Variants in NTM observed in about 807,000 individuals in gnomAD.
NTM encodes the protein neurotrimin.
Under a neutral mutation model 42.1 loss-of-function variants are expected in NTM, and 13 were observed. The observed-to-expected ratio is 0.31, with a 90% CI of 0.20 to 0.49. The LOEUF (loss-of-function observed/expected upper bound fraction) is 0.49, where lower values mean the gene tolerates loss of function less well. NTM is among the 20% of genes least tolerant of loss of function. NTM has a pLI of 0.99. For missense variants in NTM, 373 were observed against 452.8 expected, an observed-to-expected ratio of 0.82 and a Z score of 1.60; for synonymous variants, 187 against 179.2, an observed-to-expected ratio of 1.04 and a Z score of -0.35.
intron 3 of NTM, among the ~76,000 whole-genome samples, chr11:132,147,206 TGTGTGTGTGAGA>T (rs1300599850): frequency 3.2e-5 from 4 of 126,160 alleles, no homozygotes; most frequent in Admixed American, 7.7e-5. Flanking sequence ...TGTGTGTGTG[TGTGTGTGTGAGA>T]GAGAGAGAGA....
intron 1 of NTM, among the ~76,000 whole-genome samples, chr11:131,775,886 A>G (rs1013396312): frequency 6.6e-6 from 1 of 152,242 alleles, no homozygotes; most frequent in Non-Finnish European, 1.5e-5. Flanking sequence ...GTAGCTATGC[A>G]TAATAAGTGA....
At chr11:131,785,872 C>G (rs570024427) in intron 1 of NTM, among the ~76,000 whole-genome samples, 46 of 152,168 alleles carry the variant, frequency 3.0e-4, no homozygotes, top group Non-Finnish European at 5.9e-4. Flanking sequence ...ATTAGGATAG[C>G]CTTTGGCGAG....
In NTM at chr11:132,267,479, A is replaced by AT. The variant is rs5795769; in HGVS notation, c.527-40195dup. ...AGCCCTTATCTTGGGTTCTTGGATG[A>AT]TTTTTTTTTTTTTTTAATTTTCATT... On this transcript the variant is annotated intron_variant, in intron 4 of 8. Coordinates refer to ENST00000683400, the MANE Select transcript of NTM (RefSeq NM_001352005.2). Among the ~76,000 whole-genome samples the AT allele has an allele frequency of 2.3e-3, 328 of 143,738 alleles. 4 individuals are homozygous for AT. The East Asian group carries it at 0.028, about 12-fold the overall frequency. 94.3% of individuals were successfully genotyped at this position (143,738 alleles called of 152,430 possible). A position where few individuals can be genotyped will look rare whatever the true frequency, so the allele number is the denominator to read the frequency against.
chr11:132,129,350 C>G (rs906583482), intron 2 of NTM, among the ~76,000 whole-genome samples: 1 of 152,178 alleles, frequency 6.6e-6, no homozygotes, highest in Non-Finnish European at 1.5e-5. Flanking sequence ...TATATTGATT[C>G]AGAGTCTCTG....
At chr11:132,172,494 G>A (rs2076247274) in intron 3 of NTM, among the ~76,000 whole-genome samples, 1 of 152,150 alleles carries the variant, frequency 6.6e-6, no homozygotes. Context: ...GCATTCAGTG[G>A]CTGGAAATCA....
chr11:131,910,024 T>TG (rs2054463023), intron 1 of NTM: 1 of 152,220 alleles, frequency 6.6e-6, no homozygotes, highest in African/African-American at 2.4e-5. Flanking sequence ...ATTTTGATGA[T>TG]GCGATTTTTC....
rs2055292455 is a variant in NTM, at chr11:131,555,542, C to T, written c.82+184654C>T. Among the ~76,000 whole-genome samples, 3 of 152,316 alleles carry T rather than the reference C, an allele frequency of 2.0e-5. No homozygotes were observed. In the South Asian group the frequency reaches 6.2e-4, roughly 32 times the overall value. On this transcript the variant is annotated intron_variant, in intron 1 of 8. Transcript: ENST00000683400. The stretch of plus-strand genomic sequence containing the variant: ...ATTGCCTACACATTCCCAAAGTCTG[C>T]AGCCTGTGGCATACCCAATGACAGG...
intron 1 of NTM, chr11:131,795,621 T>C: frequency 1.0e-6 from 1 of 985,436 alleles, no homozygotes; most frequent in Non-Finnish European, 1.2e-6. Flanking sequence ...GAGACCCTTG[T>C]AGGAGCTTGA....
chr11:131,458,250 C>T (rs182894948), intron 1 of NTM, among the ~76,000 whole-genome samples: 2 of 152,150 alleles, frequency 1.3e-5, no homozygotes, highest in Non-Finnish European at 2.9e-5. Flanking sequence ...GTGCTGCTGG[C>T]AGGTGGAGTG....
At chr11:131,636,248 T>C (rs2064365227) in intron 1 of NTM, among the ~76,000 whole-genome samples, 2 of 152,134 alleles carry the variant, frequency 1.3e-5, no homozygotes, top group Non-Finnish European at 2.9e-5. Flanking sequence ...CGAATCTGGC[T>C]CAAGGTTAAC....
chr11:132,017,972 T>A (rs1261107167), intron 2 of NTM, among the ~76,000 whole-genome samples: 1 of 152,078 alleles, frequency 6.6e-6, no homozygotes, highest in African/African-American at 2.4e-5. Context: ...CCAATGCTCT[T>A]TCCTGAAACC....
Position 132,213,814 on chromosome 11 carries a change from A to C in NTM, c.526+1667A>C, listed in dbSNP as rs1448976740. Among the ~76,000 whole-genome samples, 8 of 57,392 alleles carry C rather than the reference A, an allele frequency of 1.4e-4. 3 individuals are homozygous for C. The highest frequency in any genetic ancestry group is 3.1e-4 in the Non-Finnish European group (7 of 22,508). The allele number at this position is 57,392 out of a possible 152,430, so 37.7% of individuals were successfully genotyped here. ...CAGTGGCGGGATCTCGGCTCACTGC[A>C]AGCTCCGCCTCCCGGGTTCACGCCA... On this transcript the variant is annotated intron_variant, in intron 4 of 8. Transcript: ENST00000683400.
At position 131,628,813 on chromosome 11, in the gene NTM, G is replaced by A. The variant is rs144843640; in HGVS notation, c.82+257925G>A. ...AGTGCTGTTCATGTTTTTAAAGACCGAAAGGGGGCCCTGAGGAACTGCTGC... is the reference window on the plus strand; with the variant it reads ...AGTGCTGTTCATGTTTTTAAAGACCAAAAGGGGGCCCTGAGGAACTGCTGC... On this transcript the variant is annotated intron_variant, in intron 1 of 8. Coordinates refer to ENST00000683400, the MANE Select transcript of NTM (RefSeq NM_001352005.2). Among the ~76,000 whole-genome samples the A allele has an allele frequency of 2.9e-3, 448 of 152,374 alleles. 2 individuals carry two copies. The highest frequency in any genetic ancestry group is 0.01 in the African/African-American group (416 of 41,590).
intron 1 of NTM, among the ~76,000 whole-genome samples, chr11:131,422,216 A>G (rs763441690): frequency 2.3e-4 from 35 of 152,110 alleles, no homozygotes; most frequent in Non-Finnish European, 4.0e-4. Flanking sequence ...GAACAGTCAC[A>G]TTTGAATGTT....
chr11:131,975,776 G>A (rs918237950), intron 2 of NTM, among the ~76,000 whole-genome samples: 2 of 152,238 alleles, frequency 1.3e-5, no homozygotes, highest in Admixed American at 6.5e-5. Flanking sequence ...CACTTGAAAG[G>A]AAGAGGGTCA....
chr11:131,721,822 C>T (rs2078369645), intron 1 of NTM, among the ~76,000 whole-genome samples: 1 of 151,622 alleles, frequency 6.6e-6, no homozygotes, highest in Non-Finnish European at 1.5e-5. Context: ...CATGGAGAAA[C>T]CCCATCTCTA....
chr11:132,206,301 G>A (rs1409171960), intron 3 of NTM, among the ~76,000 whole-genome samples: 6 of 152,192 alleles, frequency 3.9e-5, no homozygotes, highest in East Asian at 3.9e-4. Flanking sequence ...AGGCATTCAC[G>A]CCCTTCCATC....
chr11:132,076,170 G>T (rs1010723868), intron 2 of NTM, among the ~76,000 whole-genome samples: 1 of 152,038 alleles, frequency 6.6e-6, no homozygotes, highest in African/African-American at 2.4e-5. Flanking sequence ...TTAATCTATA[G>T]CTTCTACTTG....
rs745989673 is a variant in NTM, at chr11:132,002,805, C to G, written c.167+91157C>G. On this transcript the variant is annotated intron_variant, in intron 2 of 8. Coordinates refer to ENST00000683400, the MANE Select transcript of NTM (RefSeq NM_001352005.2). This position sits in a 1 kb window ranked among gnomAD's most constrained non-coding sequence, Gnocchi z 4.5. Reference sequence around the variant, plus strand: ...GGAAAAGTGGAGGAAATCATAGTAACGATTTATTAAAGTTGAAGATTGAGT... The same window carrying G: ...GGAAAAGTGGAGGAAATCATAGTAAGGATTTATTAAAGTTGAAGATTGAGT... 6.6e-6 allele frequency among the ~76,000 whole-genome samples: 1 copy of G among 151,984 alleles called. No individual in the cohort carries two copies. The highest frequency in any genetic ancestry group is 1.5e-5 in the Non-Finnish European group (1 of 68,010).
Sources: allele counts gnomAD v4.1 joint callset (sites outside exome capture counted in the v4.1 genomes callset), GRCh38; gene constraint gnomAD v4.1.1; non-coding constraint Gnocchi (gnomAD v3.1); transcripts MANE v1.5; gene names NCBI Gene and HGNC (gene_info 2026-07-23, HGNC 2026-07-21).